The following TRPM3 variants were observed in gnomAD, a reference collection of about 807,000 sequenced individuals.
The protein encoded by TRPM3 is long transient receptor potential channel 3.
TRPM3 carries 77 observed loss-of-function variants against 181.2 expected under a neutral mutation model. The ratio of observed to expected loss-of-function variants is 0.42; its 90% CI spans 0.35 to 0.51. The LOEUF is 0.51. Ranked by LOEUF, TRPM3 falls within the 20% of genes least tolerant of loss-of-function variation. TRPM3 has a pLI of 0.01. For missense variants in TRPM3, 1,759 were observed against 2,196.7 expected (o/e 0.80, Z 3.98); for synonymous variants, 745 against 796.4 (o/e 0.94, Z 1.09).
chr9:71,210,114 C>T (rs1234933409), intron 1 of TRPM3, among the ~76,000 whole-genome samples: 1 of 152,188 alleles, frequency 6.6e-6, no homozygotes, highest in African/African-American at 2.4e-5. Context: ...CCATGGCTCA[C>T]ATTACTGCCT....
At position 70,603,360 on chromosome 9, in the gene TRPM3, T is replaced by C; in HGVS notation, c.2778A>G (p.Gly926=). The change falls in exon 20 of 26, where the codon GGA becomes GGG. Residue 926 remains glycine, a synonymous_variant. Transcript: ENST00000677713. ...WIVISYIFTL[G]IEKMREILMS... is the part of the protein sequence containing the mutation. ...CCGTTACCTCTCTCATCTTTTCTAT[T>C]CCCAGGGTGAAAATATAGGAGATTA... 1 of 1,613,632 alleles carries C rather than the reference T, an allele frequency of 6.2e-7. No individual in the cohort carries two copies. Among genetic ancestry groups the C allele is most frequent in the East Asian group, 2.2e-5 (1 of 44,862 alleles).
At chr9:71,361,402 G>T (rs1194993590) in intron 1 of TRPM3, among the ~76,000 whole-genome samples, 1 of 152,158 alleles carries the variant, frequency 6.6e-6, no homozygotes, top group Non-Finnish European at 1.5e-5. Context: ...AAGGGACTAG[G>T]TGGAGATCAA....
chr9:71,197,957 C>A (rs1370687788), intron 1 of TRPM3, among the ~76,000 whole-genome samples: 5 of 151,434 alleles, frequency 3.3e-5, no homozygotes, highest in Admixed American at 6.6e-5. Context: ...ATGCCTATGT[C>A]CTGAATGGTA....
At chr9:71,005,406 CA>C (rs552933375) in intron 1 of TRPM3, among the ~76,000 whole-genome samples, 33 of 141,014 alleles carry the variant, frequency 2.3e-4, no homozygotes, top group Non-Finnish European at 2.6e-4. Context: ...AACTCCATGT[CA>C]AAAAAAAAAA....
At chr9:70,650,813 G>A (rs1033467823) in intron 9 of TRPM3, among the ~76,000 whole-genome samples, 4 of 151,976 alleles carry the variant, frequency 2.6e-5, no homozygotes, top group African/African-American at 4.8e-5. Flanking sequence ...TGATTCCCCC[G>A]CTTCATTCTT....
intron 1 of TRPM3, among the ~76,000 whole-genome samples, chr9:71,005,481 C>G (rs193193661): frequency 6.6e-6 from 1 of 151,430 alleles, no homozygotes; most frequent in East Asian, 1.9e-4. Context: ...AAGCACATCA[C>G]CATCAAATTA....
intron 1 of TRPM3, among the ~76,000 whole-genome samples, chr9:71,031,993 ATATATAATTATATAATATATAATAT>A (rs2057409085): frequency 5.3e-5 from 3 of 56,312 alleles, no homozygotes; most frequent in African/African-American, 1.6e-4. Flanking sequence ...TATATTATAT[ATATATAATTATATAATATATAATAT>A]ATATATATAA....
At chr9:70,911,312 G>A (rs978825921) in intron 1 of TRPM3, among the ~76,000 whole-genome samples, 3 of 152,086 alleles carry the variant, frequency 2.0e-5, no homozygotes, top group Non-Finnish European at 4.4e-5. Context: ...ATTACAAAAG[G>A]CCTGTTTTTT....
At chr9:70,856,909 G>A (rs1329309001) in intron 3 of TRPM3, among the ~76,000 whole-genome samples, 1 of 152,122 alleles carries the variant, frequency 6.6e-6, no homozygotes. Flanking sequence ...GAGATGACTA[G>A]TAAGAAAATA....
intron 1 of TRPM3, among the ~76,000 whole-genome samples, chr9:71,072,148 A>G (rs867109765): frequency 2.6e-5 from 4 of 152,140 alleles, no homozygotes; most frequent in Non-Finnish European, 5.9e-5. Flanking sequence ...GAAAGCCCAA[A>G]CATTTCAGAT....
intron 1 of TRPM3, among the ~76,000 whole-genome samples, chr9:71,431,152 G>A (rs1364044335): frequency 6.6e-6 from 1 of 151,968 alleles, no homozygotes; most frequent in Non-Finnish European, 1.5e-5. Flanking sequence ...TTTGTCTCTT[G>A]TCATATTTTT....
At chr9:71,038,054 C>A (rs2058415813) in intron 1 of TRPM3, among the ~76,000 whole-genome samples, 1 of 152,220 alleles carries the variant, frequency 6.6e-6, no homozygotes, top group Non-Finnish European at 1.5e-5. Context: ...AATGAACCTA[C>A]TGAATTTTCA....
chr9:70,574,387 C>G (rs939815310), intron 22 of TRPM3, among the ~76,000 whole-genome samples: 27 of 152,290 alleles, frequency 1.8e-4, no homozygotes, highest in African/African-American at 6.5e-4. Flanking sequence ...CTGGCTATTT[C>G]CCCTGCCTGG....
At position 70,595,374 on chromosome 9, in the gene TRPM3, G is replaced by A. The variant is rs117342654; in HGVS notation, c.3048+3045C>T. ...GCCAATTTCATTCCCTGAGGGACAC[G>A]TGGAGATGTTTAGAGACTTTTTTGT... On this transcript the variant is annotated intron_variant, in intron 21 of 25. Transcript: ENST00000677713. Among the ~76,000 whole-genome samples the A allele has an allele frequency of 2.3e-3, 356 of 152,298 alleles. 1 individual carries two copies. In the East Asian group the frequency reaches 0.025, roughly 11 times the overall value.
chr9:70,957,351 CTG>C (rs923663079), intron 1 of TRPM3, among the ~76,000 whole-genome samples: 19 of 152,116 alleles, frequency 1.2e-4, no homozygotes, highest in African/African-American at 4.3e-4. Flanking sequence ...AACCCATGAA[CTG>C]TGAAATTTAG....
chr9:71,310,053 A>C (rs983295887), intron 1 of TRPM3, among the ~76,000 whole-genome samples: 2 of 152,116 alleles, frequency 1.3e-5, no homozygotes, highest in Non-Finnish European at 1.5e-5. Flanking sequence ...TTTGTAAACT[A>C]TCTAAATAAA....
intron 18 of TRPM3, among the ~76,000 whole-genome samples, chr9:70,614,334 A>G (rs927632465): frequency 3.3e-5 from 4 of 119,858 alleles, no homozygotes; most frequent in Non-Finnish European, 7.3e-5. Flanking sequence ...AAAAAAAAAA[A>G]GGCCAGGTGT....
intron 19 of TRPM3, among the ~76,000 whole-genome samples, chr9:70,608,007 A>T (rs1369140640): frequency 2.0e-5 from 3 of 152,236 alleles, no homozygotes; most frequent in Non-Finnish European, 2.9e-5. Context: ...ACTATAACAA[A>T]TGAAGGTGTA....
chr9:71,314,907 A>G (rs1471253176), intron 1 of TRPM3, among the ~76,000 whole-genome samples: 2 of 151,844 alleles, frequency 1.3e-5, no homozygotes, highest in South Asian at 2.1e-4. Context: ...GGCAGCGTGG[A>G]AGAGATAAGA....
Sources: gnomAD v4.1 joint callset for allele counts (sites outside exome capture counted in the v4.1 genomes callset) on GRCh38, gnomAD v4.1.1 for gene constraint, MANE v1.5 for transcripts, NCBI Gene and HGNC (gene_info 2026-07-23, HGNC 2026-07-21) for gene names.